The following MCM10 variants were observed in gnomAD, a reference collection of about 807,000 sequenced individuals.
The protein encoded by MCM10 is minichromosome maintenance 10 replication initiation factor, also known as protein MCM10 homolog.
MCM10 carries 91 observed loss-of-function variants against 109.9 expected under a neutral mutation model. That is an observed-to-expected ratio of 0.83 (90% confidence interval 0.70 to 0.99). The LOEUF is 0.99. Among genes scored for constraint, MCM10 ranks in the 50% least tolerant of loss-of-function variants. The pLI is 0.00. For missense variants in MCM10, 1,077 were observed against 1,061.2 expected (o/e 1.01, Z -0.21); for synonymous variants, 380 against 387.2 (o/e 0.98, Z 0.22).
At chr10:13,196,028 C>T (rs1352562510) in intron 14 of MCM10, among the ~76,000 whole-genome samples, 1 of 151,992 alleles carries the variant, frequency 6.6e-6, no homozygotes, top group African/African-American at 2.4e-5. Flanking sequence ...CTCAGCCTCC[C>T]AAGTAGTAGC....
chr10:13,171,092 G>A lies in MCM10; in HGVS notation c.178G>A (p.Asp60Asn), dbSNP rs781473286. 5 of 1,614,106 alleles carry A rather than the reference G, an allele frequency of 3.1e-6. No individual in the cohort carries two copies. The African/African-American group carries it at 6.7e-5, about 22-fold the overall frequency. Residue 60 changes from aspartate (D) to asparagine (N), a missense_variant, in exon 3 of 20, where the codon GAT becomes AAT. Physicochemically the swap from Asp to Asn is conservative, Grantham distance 23. Transcript: ENST00000378714. ...CGGTGAATCTTATACAGAAGAGGCT[G>A]ATGATGGAGAAACAGGAGAGACAAG... ...GDGESYTEEA[D>N]DGETGETRDE... is the part of the protein sequence containing the mutation.
At chr10:13,173,081 A>G (rs888664881) in intron 5 of MCM10, among the ~76,000 whole-genome samples, 1 of 152,050 alleles carries the variant, frequency 6.6e-6, no homozygotes, top group African/African-American at 2.4e-5. Flanking sequence ...GCTTGCCTGT[A>G]GTCTCAGCTA....
chr10:13,175,794 C>A lies in MCM10; in HGVS notation c.764+113C>A. Reference sequence around the variant, plus strand: ...CAGGATCCACAAAACACCAGCAGCTCTTGAACTGGACAAAACACCACTGGA... The same window carrying A: ...CAGGATCCACAAAACACCAGCAGCTATTGAACTGGACAAAACACCACTGGA... On this transcript the variant is annotated intron_variant, in intron 6 of 19. Transcript: ENST00000378714. 4.1e-6 allele frequency: 3 copies of A among 731,412 alleles called. No homozygotes were observed. In the Admixed American group the frequency reaches 7.9e-5, roughly 19 times the overall value. The allele number at this position is 731,412 out of a possible 1,614,324, so 45.3% of individuals were successfully genotyped here.
At chr10:13,180,189 C>T (rs895343166) in intron 6 of MCM10, among the ~76,000 whole-genome samples, 4 of 151,694 alleles carry the variant, frequency 2.6e-5, no homozygotes, top group South Asian at 2.1e-4. Flanking sequence ...AGGCGGAGGC[C>T]GCAGTGAGCC....
chr10:13,207,046 C>G (rs1039362084), intron 18 of MCM10, among the ~76,000 whole-genome samples: 3 of 152,186 alleles, frequency 2.0e-5, no homozygotes, highest in African/African-American at 7.2e-5. Flanking sequence ...CTCCTGGGCT[C>G]AAGTGGGCTC....
intron 18 of MCM10, 156 bp downstream of exon 18, chr10:13,204,520 C>G (rs1397370478): frequency 1.1e-6 from 1 of 922,478 alleles, no homozygotes; most frequent in Non-Finnish European, 1.6e-6. Context: ...ACTGAAATCC[C>G]TGGAAGGAAG....
At chr10:13,200,612 C>T (rs1449441690) in intron 16 of MCM10, among the ~76,000 whole-genome samples, 1 of 152,250 alleles carries the variant, frequency 6.6e-6, no homozygotes, top group Non-Finnish European at 1.5e-5. Context: ...GCCCCAGGCC[C>T]TCCTGTCTGT....
In MCM10 at chr10:13,200,624, G is replaced by A. The variant is rs61852866; in HGVS notation, c.2239-797G>A. On this transcript the variant is annotated intron_variant, in intron 16 of 19. Transcript: ENST00000378714. Reference sequence around the variant, plus strand: ...TTGGCCCCAGGCCCTCCTGTCTGTGGAGCAGCACTAATCCCATCGCTGCAC... The same window carrying A: ...TTGGCCCCAGGCCCTCCTGTCTGTGAAGCAGCACTAATCCCATCGCTGCAC... 5.2e-3 allele frequency among the ~76,000 whole-genome samples: 790 copies of A among 152,280 alleles called. 4 individuals are homozygous for A. Among genetic ancestry groups the A allele is most frequent in the Non-Finnish European group, 8.3e-3 (563 of 68,020 alleles).
intron 16 of MCM10, among the ~76,000 whole-genome samples, chr10:13,199,632 T>A (rs189504898): frequency 1.3e-5 from 2 of 152,264 alleles, no homozygotes; most frequent in Admixed American, 1.3e-4. Flanking sequence ...AATCAATAAA[T>A]ATCCTAATGC....
At chr10:13,189,229 G>A (rs528697172) in intron 10 of MCM10, 149 bp downstream of exon 10, 165 of 789,400 alleles carry the variant, frequency 2.1e-4, no homozygotes, top group African/African-American at 8.9e-4. Flanking sequence ...GTTAAAGACC[G>A]CTTTTATTCC....
rs1296138920 is a variant in MCM10, at chr10:13,182,826, T to A, written c.931-107T>A. The A allele has an allele frequency of 6.1e-6, 5 of 823,382 alleles. No homozygotes were observed. In the African/African-American group the frequency reaches 8.6e-5, roughly 14 times the overall value. The allele number at this position is 823,382 out of a possible 1,614,324, so 51.0% of individuals were successfully genotyped here. A position where few individuals can be genotyped will look rare whatever the true frequency, so the allele number is the denominator to read the frequency against. ...TTGAATAACAACAAAAAAACTTGGA[T>A]TTTATGGATTATAGGCATATAGTTT... On this transcript the variant is annotated intron_variant, in intron 7 of 19. Transcript: ENST00000378714. This position sits in a 1 kb window ranked among gnomAD's most constrained non-coding sequence, Gnocchi z 4.2.
At chr10:13,166,430 G>C (rs1400579740) in intron 2 of MCM10, among the ~76,000 whole-genome samples, 2 of 152,006 alleles carry the variant, frequency 1.3e-5, no homozygotes, top group Non-Finnish European at 2.9e-5. Flanking sequence ...GAGGTCAGGA[G>C]TTCGAGACCA....
chr10:13,205,014 A>G (rs1448914415), intron 18 of MCM10, among the ~76,000 whole-genome samples: 2 of 14,236 alleles, frequency 1.4e-4, no homozygotes, highest in South Asian at 5.7e-3. Flanking sequence ...ATATATATAT[A>G]TATATATATA....
At chr10:13,166,827 T>C (rs1273523249) in intron 2 of MCM10, among the ~76,000 whole-genome samples, 1 of 151,756 alleles carries the variant, frequency 6.6e-6, no homozygotes, top group Non-Finnish European at 1.5e-5. Flanking sequence ...TTGTTTGTTA[T>C]GGGTGTGCAA....
At chr10:13,165,872 T>C (rs1194975169) in intron 2 of MCM10, among the ~76,000 whole-genome samples, 2 of 110,046 alleles carry the variant, frequency 1.8e-5, no homozygotes, top group Non-Finnish European at 3.7e-5. Context: ...CAAGACTCCA[T>C]CTGAAAAAAA....
rs1430943803 is a variant in MCM10, at chr10:13,171,098, G to A, written c.184G>A (p.Gly62Arg). 1 of 1,614,084 alleles carries A rather than the reference G, an allele frequency of 6.2e-7. No individual in the cohort carries two copies. Among genetic ancestry groups the A allele is most frequent in the Admixed American group, 1.7e-5 (1 of 59,994 alleles). The change falls in exon 3 of 20, where the codon GGA becomes AGA. Residue 62 changes from glycine to arginine, a missense_variant. Transcript: ENST00000378714. Reference sequence around the variant, plus strand: ...ATCTTATACAGAAGAGGCTGATGATGGAGAAACAGGAGAGACAAGAGACGA... The same window carrying A: ...ATCTTATACAGAAGAGGCTGATGATAGAGAAACAGGAGAGACAAGAGACGA... ...GESYTEEADD[G>R]ETGETRDEKE...
chr10:13,170,518 G>A (rs533008122), intron 2 of MCM10, among the ~76,000 whole-genome samples: 1 of 152,272 alleles, frequency 6.6e-6, no homozygotes, highest in Admixed American at 6.5e-5. Context: ...GGAGTAGAAT[G>A]CTTGAGGACA....
Position 13,195,259 on chromosome 10 carries a change from A to C in MCM10, c.1964A>C (p.Glu655Ala). 2 of 1,597,710 alleles carry C rather than the reference A, an allele frequency of 1.3e-6. No homozygotes were observed. The highest frequency in any genetic ancestry group is 1.7e-6 in the Non-Finnish European group (2 of 1,170,854). Residue 655 changes from glutamate (E) to alanine (A), a missense_variant, in exon 14 of 20, where the codon GAA becomes GCA. By Grantham distance (107) the Glu-to-Ala change is moderately radical. Transcript: ENST00000378714. ...AGACCAAAACTGAGTGCTTTAGCAGAAGCCAAAAAGGTAACTGGCATCTCT... is the reference window on the plus strand; with the variant it reads ...AGACCAAAACTGAGTGCTTTAGCAGCAGCCAAAAAGGTAACTGGCATCTCT... ...PPRPKLSALA[E>A]AKKLAAITKL...
chr10:13,172,310 G>A lies in MCM10; in HGVS notation c.350-66G>A, dbSNP rs147097596. ...GGAGTGGACAACAAAAATATTGCCCGCATTTTTGTCATGTAGAACGTTTTC... is the reference window on the plus strand; with the variant it reads ...GGAGTGGACAACAAAAATATTGCCCACATTTTTGTCATGTAGAACGTTTTC... On this transcript the variant is annotated intron_variant, in intron 3 of 19. Transcript: ENST00000378714. The surrounding 1 kb of genome is among the most constrained non-coding windows in gnomAD (Gnocchi z 5.2). 443 of 1,217,632 alleles carry A rather than the reference G, an allele frequency of 3.6e-4. 1 individual carries two copies. The highest frequency in any genetic ancestry group is 3.2e-3 in the African/African-American group (213 of 66,900). The allele number at this position is 1,217,632 out of a possible 1,614,324, so 75.4% of individuals were successfully genotyped here.
Sources: gnomAD v4.1 joint callset for allele counts (sites outside exome capture counted in the v4.1 genomes callset) on GRCh38, gnomAD v4.1.1 for gene constraint, Gnocchi (gnomAD v3.1) non-coding constraint, MANE v1.5 for transcripts, NCBI Gene and HGNC (gene_info 2026-07-23, HGNC 2026-07-21) for gene names.